The following GALNTL6 variants were observed in gnomAD, a reference collection of about 807,000 sequenced individuals.
GALNTL6 encodes polypeptide N-acetylgalactosaminyltransferase like 6.
A neutral mutation model predicts 73.7 loss-of-function variants in GALNTL6; 46 were observed. The observed-to-expected ratio is 0.62, with a 90% confidence interval of 0.49 to 0.80. GALNTL6 has a LOEUF of 0.80. Ranked by LOEUF, GALNTL6 falls within the 30% of genes least tolerant of loss-of-function variation. GALNTL6 has a pLI of 0.00. For missense variants in GALNTL6, 604 were observed against 755.0 expected, an observed-to-expected ratio of 0.80 and a Z score of 2.34; for synonymous variants, 259 against 263.7, an observed-to-expected ratio of 0.98 and a Z score of 0.17.
Position 172,947,545 on chromosome 4 carries a change from C to T in GALNTL6, c.1150-4492C>T, listed in dbSNP as rs754071574. ...TAAATGATTACATGTATAGATCTCC[C>T]GGCATTCATGCTTGACTCTTTCTTT... On this transcript the variant is annotated intron_variant, in intron 9 of 12. Transcript: ENST00000506823. Among the ~76,000 whole-genome samples the T allele has an allele frequency of 2.6e-5, 4 of 151,590 alleles. 1 individual carries two copies. Among genetic ancestry groups the T allele is most frequent in the African/African-American group, 9.7e-5 (4 of 41,228 alleles).
chr4:172,150,940 C>G (rs1345197369), intron 2 of GALNTL6, among the ~76,000 whole-genome samples: 2 of 152,126 alleles, frequency 1.3e-5, no homozygotes, highest in Non-Finnish European at 2.9e-5. Flanking sequence ...AAATAAAGTT[C>G]TGATTCCATA....
At chr4:172,585,974 C>T (rs543736575) in intron 5 of GALNTL6, among the ~76,000 whole-genome samples, 1 of 152,276 alleles carries the variant, frequency 6.6e-6, no homozygotes, top group South Asian at 2.1e-4. Flanking sequence ...CATCTCACTC[C>T]AGTCAGAATG....
At position 172,983,989 on chromosome 4, in the gene GALNTL6, G is replaced by A. The variant is rs866685675; in HGVS notation, c.1372-25189G>A. ...GCTTACTGAAGTCCATGGGGTATAG[G>A]CAAAATATCACATTCTGCATTCCAA... is the stretch of plus-strand genomic sequence containing the variant. On this transcript the variant is annotated intron_variant, in intron 10 of 12. Coordinates refer to ENST00000506823, the MANE Select transcript of GALNTL6 (RefSeq NM_001034845.3). Among the ~76,000 whole-genome samples the A allele has an allele frequency of 5.3e-5, 8 of 151,854 alleles. No individual in the cohort carries two copies. In the South Asian group the frequency reaches 8.3e-4, roughly 16 times the overall value.
intron 2 of GALNTL6, among the ~76,000 whole-genome samples, chr4:172,101,937 A>T (rs1579140149): frequency 6.6e-6 from 1 of 152,148 alleles, no homozygotes; most frequent in East Asian, 1.9e-4. Context: ...AAGAATAGAC[A>T]ATACTGAACA....
chr4:171,956,855 C>T (rs1157162882), intron 2 of GALNTL6, among the ~76,000 whole-genome samples: 2 of 152,174 alleles, frequency 1.3e-5, no homozygotes, highest in African/African-American at 4.8e-5. Flanking sequence ...TCAAATATTA[C>T]CACTTCACCC....
At chr4:171,850,252 T>A (rs1170407741) in intron 2 of GALNTL6, among the ~76,000 whole-genome samples, 2 of 152,094 alleles carry the variant, frequency 1.3e-5, no homozygotes, top group African/African-American at 2.4e-5. Flanking sequence ...GATTAAAAAT[T>A]TAACATTTAA....
At chr4:172,293,620 A>G (rs1184812503) in intron 3 of GALNTL6, among the ~76,000 whole-genome samples, 2 of 152,078 alleles carry the variant, frequency 1.3e-5, no homozygotes, top group African/African-American at 4.8e-5. Context: ...ACTGTGGCTG[A>G]GCTGGTCATA....
At chr4:172,274,455 G>T (rs1273908543) in intron 3 of GALNTL6, among the ~76,000 whole-genome samples, 1 of 152,156 alleles carries the variant, frequency 6.6e-6, no homozygotes, top group African/African-American at 2.4e-5. Context: ...AATCCGTAGA[G>T]CATCGGTTTG....
At chr4:172,624,776 T>G (rs1456213882) in intron 5 of GALNTL6, among the ~76,000 whole-genome samples, 1 of 147,730 alleles carries the variant, frequency 6.8e-6, no homozygotes, top group African/African-American at 2.4e-5. Context: ...TTTTTTTATT[T>G]TTTTGTTTTT....
chr4:172,518,521 T>G (rs1734680438), intron 5 of GALNTL6, among the ~76,000 whole-genome samples: 1 of 152,000 alleles, frequency 6.6e-6, no homozygotes, highest in Non-Finnish European at 1.5e-5. Flanking sequence ...TTATGTGCCA[T>G]TTCTGCAGAG....
At chr4:171,863,617 G>A (rs950838865) in intron 2 of GALNTL6, among the ~76,000 whole-genome samples, 22 of 151,748 alleles carry the variant, frequency 1.4e-4, no homozygotes, top group African/African-American at 5.3e-4. Flanking sequence ...TTCTGTAAAG[G>A]CTTTACTAGA....
At chr4:172,729,809 A>T (rs1736043004) in intron 5 of GALNTL6, among the ~76,000 whole-genome samples, 1 of 152,128 alleles carries the variant, frequency 6.6e-6, no homozygotes, top group African/African-American at 2.4e-5. Flanking sequence ...GAATATGTAA[A>T]TTACTTTGGG....
intron 5 of GALNTL6, among the ~76,000 whole-genome samples, chr4:172,701,466 G>C (rs1734023445): frequency 6.6e-6 from 1 of 152,088 alleles, no homozygotes. Flanking sequence ...CTGATTAATA[G>C]GAAATAATGG....
chr4:172,696,529 C>A (rs1031150719), intron 5 of GALNTL6, among the ~76,000 whole-genome samples: 1 of 152,100 alleles, frequency 6.6e-6, no homozygotes, highest in African/African-American at 2.4e-5. Context: ...TGGGAGGGAT[C>A]TGGTGGGAGG....
intron 5 of GALNTL6, among the ~76,000 whole-genome samples, chr4:172,704,976 A>G (rs1734242795): frequency 6.6e-6 from 1 of 151,924 alleles, no homozygotes; most frequent in African/African-American, 2.4e-5. Context: ...CTTGAAGTAT[A>G]TTTCATCTAA....
intron 2 of GALNTL6, among the ~76,000 whole-genome samples, chr4:172,090,787 G>GT (rs1414234450): frequency 6.6e-6 from 1 of 152,124 alleles, no homozygotes; most frequent in Non-Finnish European, 1.5e-5. Flanking sequence ...TGTCCTGAAT[G>GT]GTATTGCCTA....
rs149194641 is a variant in GALNTL6 at position 171,965,891 on chromosome 4, A to G, written c.138+151173A>G. Among the ~76,000 whole-genome samples the G allele has an allele frequency of 1.8e-3, 273 of 152,322 alleles. 3 individuals carry two copies. Among genetic ancestry groups the G allele is most frequent in the Admixed American group, 0.012 (191 of 15,302 alleles). On this transcript the variant is annotated intron_variant, in intron 2 of 12. Transcript: ENST00000506823. ...TGTATAAGACTAATGGTCTAAACTG[A>G]GTGGTAGAATTCATATGTCTAAAAC...
chr4:172,199,891 C>T (rs1356338741), intron 2 of GALNTL6, among the ~76,000 whole-genome samples: 1 of 152,010 alleles, frequency 6.6e-6, no homozygotes, highest in African/African-American at 2.4e-5. Flanking sequence ...AGGCAACTAG[C>T]CATATACCTC....
At chr4:172,249,682 G>T (rs1737787426) in intron 3 of GALNTL6, among the ~76,000 whole-genome samples, 1 of 152,152 alleles carries the variant, frequency 6.6e-6, no homozygotes, top group South Asian at 2.1e-4. Context: ...TAGCTAAAAG[G>T]GGCCAAGATA....
Sources: allele counts gnomAD v4.1 joint callset (sites outside exome capture counted in the v4.1 genomes callset), GRCh38; gene constraint gnomAD v4.1.1; transcripts MANE v1.5; gene names NCBI Gene and HGNC (gene_info 2026-07-23, HGNC 2026-07-21).